Variants in CADM2 observed in about 807,000 individuals in gnomAD.
CADM2 encodes the protein immunoglobulin superfamily member 4D.
Under a neutral mutation model 49.8 loss-of-function variants are expected in CADM2, and 12 were observed. The ratio of observed to expected loss-of-function variants is 0.24; its 90% CI spans 0.15 to 0.39. The LOEUF is 0.39. CADM2 is among the 10% of genes least tolerant of loss of function. The pLI is 1.00. For missense variants in CADM2, 378 were observed against 492.3 expected, an observed-to-expected ratio of 0.77 and a Z score of 2.20; for synonymous variants, 214 against 175.4, an observed-to-expected ratio of 1.22 and a Z score of -1.74.
At chr3:85,978,197 G>A (rs533929197) in intron 8 of CADM2, among the ~76,000 whole-genome samples, 4 of 151,556 alleles carry the variant, frequency 2.6e-5, no homozygotes, top group Non-Finnish European at 5.9e-5. Context: ...TCTCACTGAA[G>A]TTCTCATAGC....
rs1007566541 is a variant in CADM2 at position 85,771,736 on chromosome 3, G to T, written c.89-30311G>T. On this transcript the variant is annotated intron_variant, in intron 2 of 9. Coordinates refer to ENST00000383699, the MANE Select transcript of CADM2 (RefSeq NM_001167675.2). ...GTCAGACATTTATGACACATTGATA[G>T]AATTATTTCTGAAAAGGATTTTTCT... 3.3e-5 allele frequency among the ~76,000 whole-genome samples: 5 copies of T among 152,124 alleles called. No homozygotes were observed. The East Asian group carries it at 9.7e-4, about 29-fold the overall frequency.
intron 1 of CADM2, among the ~76,000 whole-genome samples, chr3:85,027,898 C>G (rs536898601): frequency 1.6e-4 from 24 of 152,194 alleles, no homozygotes; most frequent in African/African-American, 5.8e-4. Flanking sequence ...GAACATAGAT[C>G]TCAATCATAA....
chr3:85,632,513 TAAAC>T (rs2064344426), intron 1 of CADM2, among the ~76,000 whole-genome samples: 4 of 152,164 alleles, frequency 2.6e-5, no homozygotes, highest in African/African-American at 4.8e-5. Context: ...TTGGCTGAAA[TAAAC>T]AAAGTTTTCT....
intron 1 of CADM2, among the ~76,000 whole-genome samples, chr3:85,547,309 T>A (rs1377706209): frequency 6.6e-6 from 1 of 152,156 alleles, no homozygotes; most frequent in Non-Finnish European, 1.5e-5. Flanking sequence ...AAGCTGCTAT[T>A]TATGATTGTT....
chr3:85,601,526 A>G (rs1324489981), intron 1 of CADM2, among the ~76,000 whole-genome samples: 1 of 151,436 alleles, frequency 6.6e-6, no homozygotes, highest in African/African-American at 2.4e-5. Flanking sequence ...TCATTTAAAT[A>G]CTTCCCATTT....
At chr3:85,172,000 C>A (rs2040641373) in intron 1 of CADM2, among the ~76,000 whole-genome samples, 1 of 152,164 alleles carries the variant, frequency 6.6e-6, no homozygotes, top group Non-Finnish European at 1.5e-5. Context: ...CAATAGATAT[C>A]TTTTACTTTC....
intron 1 of CADM2, among the ~76,000 whole-genome samples, chr3:85,039,599 C>G (rs1243114580): frequency 6.6e-6 from 1 of 152,116 alleles, no homozygotes; most frequent in African/African-American, 2.4e-5. Context: ...TTTACTGTCC[C>G]CTGCCTTCCT....
intron 1 of CADM2, among the ~76,000 whole-genome samples, chr3:85,705,026 AT>A (rs35077990): frequency 0.23 from 29,881 of 131,862 alleles, 4,346 homozygotes; most frequent in African/African-American, 0.42. Context: ...GCCTGGCTAA[AT>A]TTTTTTTTTT....
At chr3:85,461,816 G>A (rs1243411646) in intron 1 of CADM2, among the ~76,000 whole-genome samples, 1 of 152,112 alleles carries the variant, frequency 6.6e-6, no homozygotes, top group African/African-American at 2.4e-5. Flanking sequence ...ATCATCTATT[G>A]CTATCTAATT....
chr3:85,817,037 G>A (rs919338981), intron 3 of CADM2, among the ~76,000 whole-genome samples: 1 of 152,132 alleles, frequency 6.6e-6, no homozygotes, highest in Non-Finnish European at 1.5e-5. Context: ...ATTAGGTTAG[G>A]TATTCTACAT....
intron 1 of CADM2, among the ~76,000 whole-genome samples, chr3:85,032,962 A>G (rs1252817344): frequency 1.3e-5 from 2 of 152,202 alleles, no homozygotes; most frequent in Admixed American, 6.5e-5. Flanking sequence ...AGAGATTTTC[A>G]GTAATATTCT....
rs1337342742 is a variant in CADM2, at chr3:85,075,837, ATTCGTT to A, written c.61+116170_61+116175del. Reference sequence around the variant, plus strand: ...AATGCAACACAACTATTGAATTAAAATTCGTTACATTCTTGAGAGTTTATAACTTTT... The same window carrying A: ...AATGCAACACAACTATTGAATTAAAAACATTCTTGAGAGTTTATAACTTTT... On this transcript the variant is annotated intron_variant, in intron 1 of 9. Transcript: ENST00000383699. 2.0e-5 allele frequency among the ~76,000 whole-genome samples: 3 copies of A among 152,226 alleles called. No homozygotes were observed. In the East Asian group the frequency reaches 5.8e-4, roughly 29 times the overall value.
At chr3:85,574,599 C>T (rs757524396) in intron 1 of CADM2, among the ~76,000 whole-genome samples, 10 of 152,260 alleles carry the variant, frequency 6.6e-5, no homozygotes, top group Non-Finnish European at 1.5e-4. Context: ...CCTTCAAAGA[C>T]TTAGTTGTTT....
intron 1 of CADM2, among the ~76,000 whole-genome samples, chr3:84,973,203 G>A (rs1358788129): frequency 6.6e-6 from 1 of 152,140 alleles, no homozygotes; most frequent in African/African-American, 2.4e-5. Context: ...ATGAGCCACT[G>A]TGCCCAGCCT....
chr3:86,072,905 C>T lies in CADM2; in HGVS notation c.*6122C>T, dbSNP rs955909265. ...ATTTTTCAAAGCTAGTACTCTTTCT[C>T]CTTATAAATGTACACAATTTTAATC... On this transcript the variant is annotated 3_prime_UTR_variant, in exon 10 of 10. Coordinates refer to ENST00000383699, the MANE Select transcript of CADM2 (RefSeq NM_001167675.2). 6.6e-6 allele frequency: 1 copy of T among 151,984 alleles called. No individual in the cohort carries two copies. The highest frequency in any genetic ancestry group is 2.4e-5 in the African/African-American group (1 of 41,392). The allele number at this position is 151,984 out of a possible 1,614,324, so 9.4% of individuals were successfully genotyped here.
At chr3:85,873,799 A>G (rs1711499626) in intron 3 of CADM2, among the ~76,000 whole-genome samples, 1 of 152,216 alleles carries the variant, frequency 6.6e-6, no homozygotes, top group East Asian at 1.9e-4. Context: ...GTGAGATATT[A>G]GAAACAATAT....
chr3:85,091,294 T>C (rs1188338550), intron 1 of CADM2, among the ~76,000 whole-genome samples: 1 of 152,116 alleles, frequency 6.6e-6, no homozygotes, highest in African/African-American at 2.4e-5. Context: ...CAATGGCAGC[T>C]AAATGATCTA....
At chr3:85,999,038 T>C (rs982509034) in intron 8 of CADM2, among the ~76,000 whole-genome samples, 7 of 152,106 alleles carry the variant, frequency 4.6e-5, no homozygotes, top group African/African-American at 1.7e-4. Flanking sequence ...AAAAAAATAA[T>C]GTATTCCATT....
At chr3:85,932,585 C>G (rs1720734221) in intron 6 of CADM2, among the ~76,000 whole-genome samples, 1 of 152,004 alleles carries the variant, frequency 6.6e-6, no homozygotes, top group Non-Finnish European at 1.5e-5. Context: ...GAAAATGTAG[C>G]CAGGGACCTA....
Sources: allele counts gnomAD v4.1 joint callset (sites outside exome capture counted in the v4.1 genomes callset), GRCh38; gene constraint gnomAD v4.1.1; transcripts MANE v1.5; gene names NCBI Gene and HGNC (gene_info 2026-07-23, HGNC 2026-07-21).